CBFA2T3: variants seen among roughly 807,000 people sequenced by gnomAD.
CBFA2T3 encodes the protein transcriptional corepressor CBFA2T3.
In CBFA2T3, 31 loss-of-function variants were observed where a neutral mutation model predicts 58.6. The ratio of observed to expected loss-of-function variants is 0.53; its 90% CI spans 0.40 to 0.71. CBFA2T3 has a LOEUF of 0.71. Ranked by LOEUF, CBFA2T3 falls within the 30% of genes least tolerant of loss-of-function variation. CBFA2T3 has a pLI of 0.00. For synonymous variants in CBFA2T3, 531 were observed against 421.9 expected (o/e 1.26, Z -3.17); for missense variants, 1,076 against 963.1 (o/e 1.12, Z -1.55).
intron 1 of CBFA2T3, among the ~76,000 whole-genome samples, chr16:88,908,304 C>T (rs530979487): frequency 1.5e-3 from 220 of 151,614 alleles, no homozygotes; most frequent in African/African-American, 4.7e-3. Context: ...TTCGTGCCAC[C>T]GCACTCCAGC....
intron 1 of CBFA2T3, among the ~76,000 whole-genome samples, chr16:88,928,056 G>A (rs966202224): frequency 6.6e-6 from 1 of 152,154 alleles, no homozygotes; most frequent in Non-Finnish European, 1.5e-5. Flanking sequence ...CCCCCAAGCC[G>A]AGCCTTTGAA....
intron 3 of CBFA2T3, among the ~76,000 whole-genome samples, chr16:88,894,442 ACACACATGCACG>A (rs1162263113): frequency 8.6e-5 from 10 of 116,154 alleles, no homozygotes; most frequent in Non-Finnish European, 1.7e-4. Flanking sequence ...CACACAATGT[ACACACATGCACG>A]CACACATGCA....
At chr16:88,941,195 G>A (rs1367779081) in intron 1 of CBFA2T3, 9 of 980,784 alleles carry the variant, frequency 9.2e-6, no homozygotes, top group Non-Finnish European at 1.1e-5. Flanking sequence ...CGCGCGGGGC[G>A]GCCGCCTGGG....
rs936101390 is a variant in CBFA2T3 at position 88,959,809 on chromosome 16, C to T, written c.151+16848G>A. 5.3e-5 allele frequency among the ~76,000 whole-genome samples: 8 copies of T among 152,018 alleles called. 1 individual carries two copies. The South Asian group carries it at 6.2e-4, about 12-fold the overall frequency. On this transcript the variant is annotated intron_variant, in intron 1 of 11. Transcript: ENST00000268679. ...GGGAGGCCAAGGCAGGCAGATCACCCGAGGTCAGGAGTTCGAGACCAGCCT... is the reference window on the plus strand; with the variant it reads ...GGGAGGCCAAGGCAGGCAGATCACCTGAGGTCAGGAGTTCGAGACCAGCCT...
chr16:88,918,044 G>A (rs1260276045), intron 1 of CBFA2T3, among the ~76,000 whole-genome samples: 1 of 152,118 alleles, frequency 6.6e-6, no homozygotes, highest in African/African-American at 2.4e-5. Context: ...CTTTGCCCTG[G>A]GGCTTCCCGC....
Position 88,903,202 on chromosome 16 carries a change from C to T in CBFA2T3, c.152-1546G>A, listed in dbSNP as rs536287680. The stretch of plus-strand genomic sequence containing the variant: ...GGTGACGGATAAATGACTTCTACAG[C>T]GATCACATGCCAAATACGGCACAAA... On this transcript the variant is annotated intron_variant, in intron 1 of 11. Transcript: ENST00000268679. Among the ~76,000 whole-genome samples, 44 of 152,358 alleles carry T rather than the reference C, an allele frequency of 2.9e-4. 1 individual carries two copies. Among genetic ancestry groups the T allele is most frequent in the South Asian group, 2.7e-3 (13 of 4,832 alleles).
Position 88,953,196 on chromosome 16 carries a change from G to A in CBFA2T3, c.151+23461C>T, listed in dbSNP as rs947640946. 2.0e-5 allele frequency among the ~76,000 whole-genome samples: 3 copies of A among 152,202 alleles called. No individual in the cohort carries two copies. The highest frequency in any genetic ancestry group is 2.0e-4 in the Admixed American group (3 of 15,280). On this transcript the variant is annotated intron_variant, in intron 1 of 11. Coordinates refer to ENST00000268679, the MANE Select transcript of CBFA2T3 (RefSeq NM_005187.6). This position sits in a 1 kb window ranked among gnomAD's most constrained non-coding sequence, Gnocchi z 4.9. Reference sequence around the variant, plus strand: ...GGCTGGGCCATCGCCTCTCTCCCTCGGCTGGGTTTGTCATGCTCAGCCAGA... The same window carrying A: ...GGCTGGGCCATCGCCTCTCTCCCTCAGCTGGGTTTGTCATGCTCAGCCAGA...
At chr16:88,882,655 T>G (rs1969173214) in intron 8 of CBFA2T3, 21 bp downstream of exon 8, 1 of 1,516,860 alleles carries the variant, frequency 6.6e-7, no homozygotes, top group African/African-American at 1.4e-5. Context: ...TGTGTGGGCG[T>G]GGCTGTGTGT....
chr16:88,943,143 C>T (rs1392348375), intron 1 of CBFA2T3, among the ~76,000 whole-genome samples: 1 of 152,226 alleles, frequency 6.6e-6, no homozygotes, highest in Non-Finnish European at 1.5e-5. Flanking sequence ...TACAAAGCAA[C>T]ATAAACGTGG....
Position 88,875,168 on chromosome 16 carries a change from C to T in CBFA2T3, c.*1808G>A, listed in dbSNP as rs900767324. The T allele has an allele frequency of 2.1e-5, 5 of 235,648 alleles. No homozygotes were observed. The highest frequency in any genetic ancestry group is 1.1e-4 in the Admixed American group (2 of 17,754). 14.6% of individuals were successfully genotyped at this position (235,648 alleles called of 1,614,324 possible). A position where few individuals can be genotyped will look rare whatever the true frequency, so the allele number is the denominator to read the frequency against. ...CGCCACGCACACAGATGCCAGGCCA[C>T]GGGCCACACCACGCACACAGATGCC... is the stretch of plus-strand genomic sequence containing the variant. On this transcript the variant is annotated 3_prime_UTR_variant, in exon 12 of 12. Coordinates refer to ENST00000268679, the MANE Select transcript of CBFA2T3 (RefSeq NM_005187.6).
chr16:88,936,509 C>T (rs1032230674), intron 1 of CBFA2T3, among the ~76,000 whole-genome samples: 5 of 151,986 alleles, frequency 3.3e-5, no homozygotes, highest in Middle Eastern at 3.4e-3. Context: ...CAGGGGCAGC[C>T]GAGTATCCAC....
intron 1 of CBFA2T3, among the ~76,000 whole-genome samples, chr16:88,914,381 C>A (rs1414689088): frequency 2.0e-5 from 3 of 152,208 alleles, no homozygotes; most frequent in African/African-American, 7.2e-5. Context: ...CTTCTGTGTG[C>A]AGTGCTGCGA....
chr16:88,969,139 C>G (rs1972585748), intron 1 of CBFA2T3, among the ~76,000 whole-genome samples: 1 of 152,322 alleles, frequency 6.6e-6, no homozygotes, highest in East Asian at 1.9e-4. Flanking sequence ...GCAGCCTGGC[C>G]CGGATGCCGC....
intron 1 of CBFA2T3, among the ~76,000 whole-genome samples, chr16:88,932,245 C>T (rs1971336320): frequency 7.3e-6 from 1 of 137,878 alleles, no homozygotes. Context: ...CCCCCGCTTC[C>T]CCCTCACACG....
intron 1 of CBFA2T3, among the ~76,000 whole-genome samples, chr16:88,968,800 G>A (rs1017464687): frequency 2.0e-5 from 3 of 152,166 alleles, no homozygotes; most frequent in Non-Finnish European, 2.9e-5. Flanking sequence ...TGCACCCTGC[G>A]CCTGGCACGG....
chr16:88,898,058 G>A lies in CBFA2T3; in HGVS notation c.379+20C>T, dbSNP rs755683346. On this transcript the variant is annotated intron_variant, in intron 3 of 11. Coordinates refer to ENST00000268679, the MANE Select transcript of CBFA2T3 (RefSeq NM_005187.6). ...GTGAAGACCTCTGGGGAGGCCTGCG[G>A]TTTTTGTTATTTTACTTACAGAGAC... The A allele has an allele frequency of 1.9e-6, 3 of 1,564,358 alleles. No homozygotes were observed. Among genetic ancestry groups the A allele is most frequent in the Admixed American group, 1.7e-5 (1 of 58,910 alleles).
At chr16:88,887,353 C>T (rs1489891781) in intron 5 of CBFA2T3, among the ~76,000 whole-genome samples, 1 of 152,210 alleles carries the variant, frequency 6.6e-6, no homozygotes, top group African/African-American at 2.4e-5. Context: ...ATCCTCCCTC[C>T]CTCATCAGCC....
intron 1 of CBFA2T3, among the ~76,000 whole-genome samples, chr16:88,971,896 C>T (rs763315810): frequency 6.6e-6 from 1 of 152,254 alleles, no homozygotes; most frequent in Non-Finnish European, 1.5e-5. Context: ...CGGAAAACCC[C>T]TGCCCAGCGC....
At chr16:88,896,848 T>C (rs1026678880) in intron 3 of CBFA2T3, among the ~76,000 whole-genome samples, 3 of 152,162 alleles carry the variant, frequency 2.0e-5, no homozygotes, top group African/African-American at 7.2e-5. Context: ...CCCGGGTGCC[T>C]GGTCCTTCCG....
Sources: gnomAD v4.1 joint callset for allele counts (sites outside exome capture counted in the v4.1 genomes callset) on GRCh38, gnomAD v4.1.1 for gene constraint, Gnocchi (gnomAD v3.1) non-coding constraint, MANE v1.5 for transcripts, NCBI Gene and HGNC (gene_info 2026-07-23, HGNC 2026-07-21) for gene names.